SCNN1A: variants seen among roughly 807,000 people sequenced by gnomAD.
SCNN1A encodes the protein epithelial sodium channel subunit alpha.
A neutral mutation model predicts 68.6 loss-of-function variants in SCNN1A; 65 were observed. The ratio of observed to expected loss-of-function variants is 0.95; its 90% CI spans 0.78 to 1.16. The LOEUF is 1.16. Ranked by LOEUF, SCNN1A falls within the 50% of genes most tolerant of loss-of-function variation. The pLI, the probability that SCNN1A is intolerant of heterozygous loss-of-function variation, is 0.00. For missense variants in SCNN1A, 880 were observed against 865.9 expected (o/e 1.02, Z -0.20); for synonymous variants, 357 against 353.3 (o/e 1.01, Z -0.12).
At chr12:6,354,361 C>T in intron 8 of SCNN1A, 77 bp downstream of exon 8, 2 of 924,796 alleles carry the variant, frequency 2.2e-6, no homozygotes, top group East Asian at 4.8e-5. Context: ...TCCCCACAAA[C>T]AGGGGACTGA....
At position 6,374,752 on chromosome 12, in the gene SCNN1A, G is replaced by C; in HGVS notation, c.32C>G (p.Ser11Cys). ...CCCTGGAGTGGACTGTGGAGGGCTA[G>C]AGTCCTGCTCCTCCAGCTTGTTCCC... Reference protein sequence around the residue: MEGNKLEEQDSSPPQSTPGLM... With the variant: MEGNKLEEQDCSPPQSTPGLM... The change falls in exon 2 of 13, where the codon TCT becomes TGT. Residue 11 changes from serine (S) to cysteine (C), a missense_variant. Around this residue, in one of 3 missense-constraint regions of SCNN1A, gnomAD observed 77 missense variants for 67.4 expected, o/e 1.14. Transcript: ENST00000228916. The surrounding 1 kb of genome is among the most constrained non-coding windows in gnomAD (Gnocchi z 6.2). The C allele has an allele frequency of 6.2e-7, 1 of 1,614,112 alleles. No homozygotes were observed.
upstream of SCNN1A, chr12:6,376,164 C>T: frequency 1.0e-6 from 1 of 985,820 alleles, no homozygotes; most frequent in Non-Finnish European, 1.2e-6. Context: ...CTGCAGGTCT[C>T]CTCCCCGCTC....
In SCNN1A at chr12:6,348,672, G is replaced by A. The variant is rs1011278994; in HGVS notation, c.1629+55C>T. On this transcript the variant is annotated intron_variant, in intron 12 of 12. Coordinates refer to ENST00000228916, the MANE Select transcript of SCNN1A (RefSeq NM_001038.6). ...AACCTTTTGGTTTTCCCCGACAGCC[G>A]CCCTGCTAAGTAAGACCCCCAGAGC... 6.1e-5 allele frequency: 90 copies of A among 1,473,900 alleles called. No individual in the cohort carries two copies. Among genetic ancestry groups the A allele is most frequent in the Admixed American group, 8.4e-5 (5 of 59,558 alleles). 91.3% of individuals were successfully genotyped at this position (1,473,900 alleles called of 1,614,324 possible). A position where few individuals can be genotyped will look rare whatever the true frequency, so the allele number is the denominator to read the frequency against.
intron 4 of SCNN1A, among the ~76,000 whole-genome samples, chr12:6,358,389 T>C (rs1332225928): frequency 6.6e-6 from 1 of 152,126 alleles, no homozygotes; most frequent in Admixed American, 6.6e-5. Flanking sequence ...AAATGTTAAA[T>C]ATAGAGTTAC....
chr12:6,369,294 T>TCACTTCCCTCCTGCCACCCTACG, intron 2 of SCNN1A, among the ~76,000 whole-genome samples: 1 of 108,454 alleles, frequency 9.2e-6, no homozygotes, highest in African/African-American at 4.0e-5. Flanking sequence ...GCCACCCTAC[T>TCACTTCCCTCCTGCCACCCTACG]CACCTCCCTC....
chr12:6,352,680 A>G (rs970758802), intron 8 of SCNN1A, among the ~76,000 whole-genome samples: 1 of 152,260 alleles, frequency 6.6e-6, no homozygotes, highest in Admixed American at 6.5e-5. Flanking sequence ...AGATGAGGCC[A>G]GATGGCCTTT....
Position 6,354,853 on chromosome 12 carries a change from G to T in SCNN1A, c.1144-5C>A. 6.2e-7 allele frequency: 1 copy of T among 1,610,426 alleles called. No homozygotes were observed. The highest frequency in any genetic ancestry group is 1.1e-5 in the South Asian group (1 of 90,976). On this transcript the variant is annotated splice_polypyrimidine_tract_variant and splice_region_variant and intron_variant, in intron 6 of 12. Coordinates refer to ENST00000228916, the MANE Select transcript of SCNN1A (RefSeq NM_001038.6). Reference sequence around the variant, plus strand: ...CCCAAGTCTGTCCAGGGTTTCCTATGAACCCACATACACCAAGAGATCAGA... The same window carrying T: ...CCCAAGTCTGTCCAGGGTTTCCTATTAACCCACATACACCAAGAGATCAGA...
Position 6,374,846 on chromosome 12 carries a change from G to A in SCNN1A, c.-54-9C>T, listed in dbSNP as rs773021101. 2 of 1,614,008 alleles carry A rather than the reference G, an allele frequency of 1.2e-6. No homozygotes were observed. Among genetic ancestry groups the A allele is most frequent in the Non-Finnish European group, 1.7e-6 (2 of 1,180,036 alleles). ...TCCTCCAGCTTGTTCCCCTTCATGAGCCCCGGAGTGGATTGGGGAGAGCAA... is the reference window on the plus strand; with the variant it reads ...TCCTCCAGCTTGTTCCCCTTCATGAACCCCGGAGTGGATTGGGGAGAGCAA... On this transcript the variant is annotated splice_polypyrimidine_tract_variant and intron_variant, in intron 1 of 12. Coordinates refer to ENST00000228916, the MANE Select transcript of SCNN1A (RefSeq NM_001038.6). The surrounding 1 kb of genome is among the most constrained non-coding windows in gnomAD (Gnocchi z 6.2).
At position 6,348,262 on chromosome 12, in the gene SCNN1A, G is replaced by C; in HGVS notation, c.1630-9C>G. The C allele has an allele frequency of 6.2e-7, 1 of 1,613,938 alleles. No individual in the cohort carries two copies. Among genetic ancestry groups the C allele is most frequent in the Non-Finnish European group, 8.5e-7 (1 of 1,179,988 alleles). On this transcript the variant is annotated splice_polypyrimidine_tract_variant and intron_variant, in intron 12 of 12. Transcript: ENST00000228916. ...GACAGGAGGGTGACCATCTGTGAGA[G>C]GAGAGGTACATTGACGATGGGACAG... is the stretch of plus-strand genomic sequence containing the variant.
In SCNN1A at chr12:6,374,399, CG is replaced by C; in HGVS notation, c.384del (p.Ala129GlnfsTer2). The C allele has an allele frequency of 1.2e-6, 2 of 1,614,172 alleles. No individual in the cohort carries two copies. Among genetic ancestry groups the C allele is most frequent in the Non-Finnish European group, 1.7e-6 (2 of 1,180,018 alleles). Reference protein sequence around the residue: ...INLNSDKLVFPAVTICTLNPY... With the variant: ...INLNSDKLVFXAVTICTLNPY... ...GGATTGAGGGTGCAGATGGTCACTG[CG>C]GGGAAGACGAGCTTGTCCGAGTTGA... On this transcript the variant is annotated frameshift_variant, in exon 2 of 13. Coordinates refer to ENST00000228916, the MANE Select transcript of SCNN1A (RefSeq NM_001038.6). LOFTEE classifies it high-confidence loss of function. The surrounding 1 kb of genome is among the most constrained non-coding windows in gnomAD (Gnocchi z 6.2).
Position 6,374,203 on chromosome 12 carries a change from G to C in SCNN1A, c.416+165C>G, listed in dbSNP as rs1368960175. Among the ~76,000 whole-genome samples, 1 of 152,200 alleles carries C rather than the reference G, an allele frequency of 6.6e-6. No homozygotes were observed. Among genetic ancestry groups the C allele is most frequent in the African/African-American group, 2.4e-5 (1 of 41,458 alleles). ...TCCACTGGGCAGGGACGCCAGTCCA[G>C]TAAGCTGGAGGCTCCTCATTTTGCC... On this transcript the variant is annotated intron_variant, in intron 2 of 12. Coordinates refer to ENST00000228916, the MANE Select transcript of SCNN1A (RefSeq NM_001038.6). The surrounding 1 kb of genome is among the most constrained non-coding windows in gnomAD (Gnocchi z 6.2).
At chr12:6,376,197 AG>A (rs1336442940), upstream of SCNN1A, 3 of 985,148 alleles carry the variant, frequency 3.0e-6, no homozygotes, top group Non-Finnish European at 3.6e-6. Flanking sequence ...CAGCGCACTC[AG>A]GTGGGATGCG....
At chr12:6,350,766 G>A (rs1194772978) in intron 8 of SCNN1A, among the ~76,000 whole-genome samples, 1 of 152,116 alleles carries the variant, frequency 6.6e-6, no homozygotes, top group Non-Finnish European at 1.5e-5. Context: ...GAACCTAGGA[G>A]GTGGAGGTTG....
Position 6,351,847 on chromosome 12 carries a change from C to T in SCNN1A, c.1361-2442G>A, listed in dbSNP as rs564020795. ...TGATCATGGCTCACTGCAGCCTTGA[C>T]CTCCTGGGCTCAGGTGATTCTCCCA... is the stretch of plus-strand genomic sequence containing the variant. On this transcript the variant is annotated intron_variant, in intron 8 of 12. Transcript: ENST00000228916. The surrounding 1 kb of genome is among the most constrained non-coding windows in gnomAD (Gnocchi z 4.2). 2.3e-3 allele frequency among the ~76,000 whole-genome samples: 357 copies of T among 152,080 alleles called. 1 individual carries two copies. The highest frequency in any genetic ancestry group is 3.9e-3 in the Non-Finnish European group (264 of 67,976).
At chr12:6,366,434 TG>T (rs995564764) in intron 2 of SCNN1A, among the ~76,000 whole-genome samples, 3 of 151,754 alleles carry the variant, frequency 2.0e-5, no homozygotes, top group African/African-American at 7.3e-5. Context: ...TAAGAAGGAA[TG>T]TAGGGATTTA....
intron 8 of SCNN1A, among the ~76,000 whole-genome samples, chr12:6,350,571 TCACGCC>T (rs1256976249): frequency 6.6e-6 from 1 of 152,120 alleles, no homozygotes; most frequent in Non-Finnish European, 1.5e-5. Context: ...GTGCGGTGGC[TCACGCC>T]TGTAATACCA....
At chr12:6,376,253 A>G, upstream of SCNN1A, 1 of 914,498 alleles carries the variant, frequency 1.1e-6, no homozygotes. Context: ...ATTCCTCGCC[A>G]CCCCCTCCAA....
chr12:6,355,193 T>C (rs946787525), intron 6 of SCNN1A, 79 bp downstream of exon 6: 2 of 1,500,878 alleles, frequency 1.3e-6, no homozygotes, highest in South Asian at 1.2e-5. Flanking sequence ...ATGCTCTCCC[T>C]CTCCAGCCTC....
intron 4 of SCNN1A, among the ~76,000 whole-genome samples, chr12:6,358,013 A>AG (rs1159505588): frequency 6.6e-6 from 1 of 152,238 alleles, no homozygotes; most frequent in African/African-American, 2.4e-5. Context: ...AGAAAAAAAA[A>AG]GAGCACAGAC....
Sources: allele counts gnomAD v4.1 joint callset (sites outside exome capture counted in the v4.1 genomes callset), GRCh38; gene constraint gnomAD v4.1.1; regional missense constraint gnomAD v4.1.1; non-coding constraint Gnocchi (gnomAD v3.1); transcripts MANE v1.5; gene names NCBI Gene and HGNC (gene_info 2026-07-23, HGNC 2026-07-21).